LRP2: variants seen among roughly 807,000 people sequenced by gnomAD.
LRP2 encodes LDL receptor related protein 2.
Under a neutral mutation model 531.0 loss-of-function variants are expected in LRP2, and 172 were observed. That is an observed-to-expected ratio of 0.32 (90% CI 0.29 to 0.37). The LOEUF (loss-of-function observed/expected upper bound fraction) is 0.37, where lower values mean the gene tolerates loss of function less well. LRP2 is among the 10% of genes least tolerant of loss of function. The probability of loss-of-function intolerance (pLI) is 1.00; values close to 1 mark genes in which losing one functional copy is unlikely to be tolerated. For synonymous variants in LRP2, 1,992 were observed against 2,027.6 expected (o/e 0.98, Z 0.47); for missense variants, 5,167 against 5,868.3 (o/e 0.88, Z 3.90).
At chr2:169,161,948 G>A (rs138596806) in intron 63 of LRP2, among the ~76,000 whole-genome samples, 2 of 152,218 alleles carry the variant, frequency 1.3e-5, no homozygotes, top group East Asian at 3.9e-4. Flanking sequence ...CAACGTGCAG[G>A]TTTGTTACAT....
chr2:169,157,957 T>TAAATAAATAAATAAA (rs568534822), intron 63 of LRP2, among the ~76,000 whole-genome samples: 1 of 145,974 alleles, frequency 6.9e-6, no homozygotes, highest in African/African-American at 2.5e-5. Flanking sequence ...AATAAATAAA[T>TAAATAAATAAATAAA]AAAAGACATG....
intron 6 of LRP2, among the ~76,000 whole-genome samples, chr2:169,293,688 C>A (rs548617762): frequency 2.0e-5 from 3 of 151,870 alleles, no homozygotes; most frequent in Non-Finnish European, 4.4e-5. Context: ...AAAAAGAAAA[C>A]GAAGAAAAAG....
Position 169,243,009 on chromosome 2 carries a change from T to C in LRP2, c.3614A>G (p.Asn1205Ser). Residue 1205 changes from asparagine to serine, a missense_variant, in exon 24 of 79, where the codon AAT (asparagine) becomes AGT (serine). Transcript: ENST00000649046. ...GCAATCAAAAACACCATCACAACGA[T>C]TTGTGACGCCAATACATTTATCCCC... is the stretch of plus-strand genomic sequence containing the variant. ...ASGDKCIGVT[N>S]RCDGVFDCSD... is the part of the protein sequence containing the mutation. The C allele has an allele frequency of 6.2e-7, 1 of 1,614,162 alleles. No homozygotes were observed.
At chr2:169,131,577 A>T (rs1163368068) in intron 77 of LRP2, among the ~76,000 whole-genome samples, 34 of 152,186 alleles carry the variant, frequency 2.2e-4, no homozygotes, top group Non-Finnish European at 7.3e-5. Flanking sequence ...GAACAGAGAC[A>T]TTCCAGATCC....
chr2:169,305,894 A>C (rs2105489880), intron 4 of LRP2, among the ~76,000 whole-genome samples: 1 of 152,250 alleles, frequency 6.6e-6, no homozygotes, highest in African/African-American at 2.4e-5. Context: ...GCACGGGAAC[A>C]TGGTGTTCAG....
chr2:169,327,115 C>T (rs1379225643), intron 1 of LRP2, among the ~76,000 whole-genome samples: 2 of 149,936 alleles, frequency 1.3e-5, no homozygotes, highest in Non-Finnish European at 3.0e-5. Context: ...CGGCCAGCCG[C>T]CCCATCCGGG....
chr2:169,328,223 G>A (rs1347376913), intron 1 of LRP2, among the ~76,000 whole-genome samples: 7 of 117,144 alleles, frequency 6.0e-5, no homozygotes, highest in Non-Finnish European at 3.7e-5. Context: ...CAGCCGCCCC[G>A]TCCGGGAGGG....
intron 1 of LRP2, among the ~76,000 whole-genome samples, chr2:169,348,120 A>G (rs945368684): frequency 2.0e-5 from 3 of 152,232 alleles, no homozygotes; most frequent in Non-Finnish European, 4.4e-5. Context: ...TAAAATTTTT[A>G]CTGTTACTAC....
At chr2:169,317,860 T>C (rs1684806684) in intron 3 of LRP2, among the ~76,000 whole-genome samples, 1 of 152,116 alleles carries the variant, frequency 6.6e-6, no homozygotes, top group African/African-American at 2.4e-5. Context: ...GGAGGATCAC[T>C]TTAGCCCAGG....
At chr2:169,211,311 C>G (rs1195968842) in intron 37 of LRP2, among the ~76,000 whole-genome samples, 1 of 152,102 alleles carries the variant, frequency 6.6e-6, no homozygotes, top group East Asian at 1.9e-4. Context: ...TGTTAGAAAA[C>G]TCTTAGTTCC....
chr2:169,181,411 A>T (rs773159537), intron 52 of LRP2, 37 bp downstream of exon 52: 3 of 1,595,392 alleles, frequency 1.9e-6, no homozygotes, highest in Non-Finnish European at 2.6e-6. Context: ...TGAAATAAAC[A>T]GTTACACAAT....
chr2:169,246,740 T>C lies in LRP2; in HGVS notation c.3155A>G (p.His1052Arg), dbSNP rs761205891. Residue 1052 changes from histidine to arginine, a missense_variant, in exon 21 of 79, where the codon CAT (histidine) becomes CGT (arginine). Physicochemically the swap from His to Arg is conservative, Grantham distance 29 (BLOSUM62 0). Coordinates refer to ENST00000649046, the MANE Select transcript of LRP2 (RefSeq NM_004525.3). ...ACATAGTTGCTCATCACTGTTATCATGACAATCATCGACTCCATCACAGAG... is the reference window on the plus strand; with the variant it reads ...ACATAGTTGCTCATCACTGTTATCACGACAATCATCGACTCCATCACAGAG... ...YYLCDGVDDC[H>R]DNSDEQLCGT... The C allele has an allele frequency of 2.5e-6, 4 of 1,614,232 alleles. No individual in the cohort carries two copies. Among genetic ancestry groups the C allele is most frequent in the Non-Finnish European group, 3.4e-6 (4 of 1,180,050 alleles).
In LRP2 at chr2:169,155,290, T is replaced by A. The variant is rs559486070; in HGVS notation, c.12152-687A>T. Among the ~76,000 whole-genome samples the A allele has an allele frequency of 5.4e-4, 83 of 152,310 alleles. 1 individual carries two copies. The South Asian group carries it at 0.016, about 30-fold the overall frequency. ...ATATTTCCTCTATCTTGACATTATG[T>A]TTTATATGAATATTCCAATTTGTTT... On this transcript the variant is annotated intron_variant, in intron 65 of 78. Transcript: ENST00000649046.
At chr2:169,270,408 A>G (rs1683373780) in intron 16 of LRP2, among the ~76,000 whole-genome samples, 2 of 152,314 alleles carry the variant, frequency 1.3e-5, no homozygotes, top group South Asian at 4.1e-4. Flanking sequence ...CATATGCACC[A>G]TGGAATACTA....
chr2:169,257,309 G>C (rs1690345188), intron 17 of LRP2, 60 bp from the exon 18 acceptor site: 2 of 1,567,048 alleles, frequency 1.3e-6, no homozygotes, highest in Non-Finnish European at 1.8e-6. Flanking sequence ...ATGACTTCCA[G>C]AGATTTAGAA....
intron 31 of LRP2, among the ~76,000 whole-genome samples, chr2:169,228,743 G>C (rs1689292014): frequency 6.6e-6 from 1 of 152,180 alleles, no homozygotes; most frequent in South Asian, 2.1e-4. Flanking sequence ...CAATGGACCA[G>C]AGAACAGGAT....
At chr2:169,346,626 C>T (rs185234668) in intron 1 of LRP2, among the ~76,000 whole-genome samples, 3 of 152,234 alleles carry the variant, frequency 2.0e-5, no homozygotes, top group African/African-American at 7.2e-5. Context: ...GTTACTTGAG[C>T]CTAGGAGTTT....
intron 6 of LRP2, among the ~76,000 whole-genome samples, chr2:169,293,405 G>T (rs568577342): frequency 6.6e-6 from 1 of 152,300 alleles, no homozygotes; most frequent in South Asian, 2.1e-4. Context: ...GCTGGGCGTG[G>T]TGGCTCATAC....
chr2:169,243,441 T>C lies in LRP2; in HGVS notation c.3512A>G (p.Asp1171Gly), dbSNP rs1689886020. 6.2e-7 allele frequency: 1 copy of C among 1,614,154 alleles called. No homozygotes were observed. The change falls in exon 23 of 79, where the codon GAC (aspartate) becomes GGC (glycine). Residue 1171 changes from aspartate to glycine, a missense_variant. Asp to Gly is a moderately conservative substitution (Grantham distance 94). Coordinates refer to ENST00000649046, the MANE Select transcript of LRP2 (RefSeq NM_004525.3). Reference protein sequence around the residue: ...CIDLSFVCDGDKDCVDGSDEV... With the variant: ...CIDLSFVCDGGKDCVDGSDEV... The stretch of plus-strand genomic sequence containing the variant: ...ATCAGATCCATCAACACAATCCTTG[T>C]CACCATCACAGACAAACGATAGGTC...
Sources: gnomAD v4.1 joint callset for allele counts (sites outside exome capture counted in the v4.1 genomes callset) on GRCh38, gnomAD v4.1.1 for gene constraint, MANE v1.5 for transcripts, NCBI Gene and HGNC (gene_info 2026-07-23, HGNC 2026-07-21) for gene names.